DENND5B: variants seen among roughly 807,000 people sequenced by gnomAD.
DENND5B encodes DENN domain containing 5B, also known as DENN domain-containing protein 5B.
DENND5B carries 34 observed loss-of-function variants against 140.6 expected under a neutral mutation model. The observed-to-expected ratio is 0.24, with a 90% CI of 0.18 to 0.32. The LOEUF is 0.32. Among genes scored for constraint, DENND5B ranks in the 10% least tolerant of loss-of-function variants. DENND5B has a pLI of 1.00. For missense variants in DENND5B, 1,142 were observed against 1,560.2 expected (o/e 0.73, Z 4.52); for synonymous variants, 551 against 562.1 (o/e 0.98, Z 0.28).
intron 1 of DENND5B, among the ~76,000 whole-genome samples, chr12:31,539,857 G>A (rs764262588): frequency 8.6e-5 from 13 of 151,854 alleles, no homozygotes; most frequent in African/African-American, 1.7e-4. Flanking sequence ...TATTCAACAC[G>A]GTACTAGAAG....
intron 19 of DENND5B, among the ~76,000 whole-genome samples, chr12:31,390,861 A>G (rs547046959): frequency 6.6e-6 from 1 of 151,968 alleles, no homozygotes; most frequent in Admixed American, 6.6e-5. Context: ...CATCTCTACT[A>G]AAAATACAAA....
intron 3 of DENND5B, among the ~76,000 whole-genome samples, chr12:31,474,414 C>T (rs949554830): frequency 2.0e-5 from 3 of 152,208 alleles, no homozygotes; most frequent in African/African-American, 7.2e-5. Context: ...GTGCCCATTT[C>T]TGATCTGGGG....
At chr12:31,395,942 C>CA (rs541816511) in intron 17 of DENND5B, among the ~76,000 whole-genome samples, 14,591 of 91,604 alleles carry the variant, frequency 0.16, 1,232 homozygotes, top group Non-Finnish European at 0.21. Context: ...ATCACTGGGC[C>CA]AAAAAAAAAA....
chr12:31,540,886 C>A, intron 1 of DENND5B: 1 of 378,412 alleles, frequency 2.6e-6, no homozygotes, highest in South Asian at 2.1e-5. Flanking sequence ...ATAAAGAATG[C>A]AGAAATAAAT....
chr12:31,537,974 T>C (rs764809602), intron 1 of DENND5B, among the ~76,000 whole-genome samples: 1 of 152,144 alleles, frequency 6.6e-6, no homozygotes, highest in African/African-American at 2.4e-5. Flanking sequence ...ACTGGATCCA[T>C]ATACCAGTGT....
intron 14 of DENND5B, among the ~76,000 whole-genome samples, chr12:31,406,780 T>C (rs1942145037): frequency 6.6e-6 from 1 of 152,108 alleles, no homozygotes; most frequent in Non-Finnish European, 1.5e-5. Flanking sequence ...ATAAGGAGGA[T>C]TTTAGGAATC....
intron 1 of DENND5B, among the ~76,000 whole-genome samples, chr12:31,555,469 G>A (rs1054160395): frequency 6.6e-6 from 1 of 152,178 alleles, no homozygotes; most frequent in African/African-American, 2.4e-5. Flanking sequence ...CCCCTACTGG[G>A]GGGTGCCTCC....
rs1457307051 is a variant in DENND5B at position 31,480,261 on chromosome 12, A to G, written c.238-6T>C. On this transcript the variant is annotated splice_region_variant and splice_polypyrimidine_tract_variant and intron_variant, in intron 2 of 20. Coordinates refer to ENST00000389082, the MANE Select transcript of DENND5B (RefSeq NM_144973.4). Reference sequence around the variant, plus strand: ...AGCCCTTTAGGCATGCACAACTGTGAAAGAAAGAAAAAAAAAAATCAGAAT... The same window carrying G: ...AGCCCTTTAGGCATGCACAACTGTGGAAGAAAGAAAAAAAAAAATCAGAAT... The G allele has an allele frequency of 6.7e-7, 1 of 1,486,318 alleles. No homozygotes were observed. The highest frequency in any genetic ancestry group is 2.4e-5 in the East Asian group (1 of 42,160). 92.1% of individuals were successfully genotyped at this position (1,486,318 alleles called of 1,614,324 possible). A position where few individuals can be genotyped will look rare whatever the true frequency, so the allele number is the denominator to read the frequency against.
rs1940727053 is a variant in DENND5B, at chr12:31,383,641, T to C, written c.*3962A>G. 3 of 151,876 alleles carry C rather than the reference T, an allele frequency of 2.0e-5. No homozygotes were observed. Among genetic ancestry groups the C allele is most frequent in the African/African-American group, 4.8e-5 (2 of 41,354 alleles). 9.4% of individuals were successfully genotyped at this position (151,876 alleles called of 1,614,324 possible). On this transcript the variant is annotated 3_prime_UTR_variant, in exon 21 of 21. Transcript: ENST00000389082. ...CCAGTGGAAAACAAGGTGGGGAGGG[T>C]TGGGAGGTTTTTGTCCTCAGTAGCC...
At chr12:31,501,104 C>G (rs1228048208) in intron 1 of DENND5B, among the ~76,000 whole-genome samples, 2 of 152,164 alleles carry the variant, frequency 1.3e-5, no homozygotes, top group Non-Finnish European at 2.9e-5. Context: ...TGGCTATGTC[C>G]TCACCCAAAT....
Position 31,537,349 on chromosome 12 carries a change from T to G in DENND5B, c.128-41430A>C, listed in dbSNP as rs183441151. Among the ~76,000 whole-genome samples, 509 of 152,304 alleles carry G rather than the reference T, an allele frequency of 3.3e-3. 5 individuals are homozygous for G. The highest frequency in any genetic ancestry group is 0.011 in the African/African-American group (457 of 41,570). Reference sequence around the variant, plus strand: ...TGAAGTTAAGGTGTAGAGTTTTTATTAGTTTTCTTTTTGCTTGTGTGTTTA... The same window carrying G: ...TGAAGTTAAGGTGTAGAGTTTTTATGAGTTTTCTTTTTGCTTGTGTGTTTA... On this transcript the variant is annotated intron_variant, in intron 1 of 20. Transcript: ENST00000389082.
At position 31,494,221 on chromosome 12, in the gene DENND5B, T is replaced by TACCTACCTACCTAC. The variant is rs3034051; in HGVS notation, c.237+1588_237+1589insGTAGGTAGGTAGGT. Among the ~76,000 whole-genome samples, 34 of 106,562 alleles carry TACCTACCTACCTAC rather than the reference T, an allele frequency of 3.2e-4. 1 individual carries two copies. Among genetic ancestry groups the TACCTACCTACCTAC allele is most frequent in the African/African-American group, 9.2e-4 (26 of 28,412 alleles). The allele number at this position is 106,562 out of a possible 152,430, so 69.9% of individuals were successfully genotyped here. A position where few individuals can be genotyped will look rare whatever the true frequency, so the allele number is the denominator to read the frequency against. ...CCATCCACCTACCTACCTACCTACCTCTACCTACCTACCTACCTACCTACC... is the reference window on the plus strand; with the variant it reads ...CCATCCACCTACCTACCTACCTACCTACCTACCTACCTACCTACCTACCTACCTACCTACCTACC... On this transcript the variant is annotated intron_variant, in intron 2 of 20. Coordinates refer to ENST00000389082, the MANE Select transcript of DENND5B (RefSeq NM_144973.4).
At chr12:31,486,867 CAATT>C (rs1946329986) in intron 2 of DENND5B, among the ~76,000 whole-genome samples, 1 of 152,172 alleles carries the variant, frequency 6.6e-6, no homozygotes, top group African/African-American at 2.4e-5. Context: ...TGTGGAGAAG[CAATT>C]AAAGTCTTGC....
intron 5 of DENND5B, among the ~76,000 whole-genome samples, chr12:31,449,731 G>GTTTTTGTT (rs1555149743): frequency 1.1e-5 from 1 of 89,970 alleles, no homozygotes; most frequent in Non-Finnish European, 2.1e-5. Flanking sequence ...ACACAGATTA[G>GTTTTTGTT]TTTTTTTTTT....
chr12:31,398,148 A>T, intron 17 of DENND5B, 27 bp downstream of exon 17: 2 of 1,551,262 alleles, frequency 1.3e-6, no homozygotes, highest in African/African-American at 2.7e-5. Context: ...TCATAGGAGC[A>T]CATAAGAAAA....
At chr12:31,421,117 C>T (rs1353040269) in intron 11 of DENND5B, among the ~76,000 whole-genome samples, 1 of 152,180 alleles carries the variant, frequency 6.6e-6, no homozygotes, top group African/African-American at 2.4e-5. Context: ...AGTCTTGGCT[C>T]AATGCAACCT....
chr12:31,544,250 T>C (rs1374001639), intron 1 of DENND5B, among the ~76,000 whole-genome samples: 1 of 152,106 alleles, frequency 6.6e-6, no homozygotes, highest in Non-Finnish European at 1.5e-5. Flanking sequence ...CATAAAAATA[T>C]TTTAGAAGAT....
intron 3 of DENND5B, chr12:31,477,394 A>C (rs1945868474): frequency 6.6e-6 from 1 of 152,338 alleles, no homozygotes; most frequent in South Asian, 2.1e-4. Context: ...AGATACAAAA[A>C]GGTGATCTGT....
At chr12:31,568,727 T>C (rs1949714215) in intron 1 of DENND5B, among the ~76,000 whole-genome samples, 1 of 152,206 alleles carries the variant, frequency 6.6e-6, no homozygotes, top group African/African-American at 2.4e-5. Flanking sequence ...GGAGCCACGT[T>C]CAAATTACAC....
Sources: allele counts gnomAD v4.1 joint callset (sites outside exome capture counted in the v4.1 genomes callset), GRCh38; gene constraint gnomAD v4.1.1; transcripts MANE v1.5; gene names NCBI Gene and HGNC (gene_info 2026-07-23, HGNC 2026-07-21).